The following ATP13A4 variants were observed in gnomAD, a reference collection of about 807,000 sequenced individuals.
ATP13A4 encodes ATPase 13A4.
A neutral mutation model predicts 142.5 loss-of-function variants in ATP13A4; 114 were observed. The observed-to-expected ratio is 0.80, with a 90% CI of 0.69 to 0.93. The LOEUF is 0.93. ATP13A4 is among the 40% of genes least tolerant of loss of function. The pLI is 0.00. For synonymous variants in ATP13A4, 488 were observed against 514.8 expected (o/e 0.95, Z 0.70); for missense variants, 1,392 against 1,454.0 (o/e 0.96, Z 0.69).
Position 193,413,674 on chromosome 3 carries a change from C to T in ATP13A4, c.3014+905G>A, listed in dbSNP as rs1015204617. Reference sequence around the variant, plus strand: ...GTTGAGATAAGGACTGAAATACACCCTGATCTCCTGCAGTACCCTCAGGCT... The same window carrying T: ...GTTGAGATAAGGACTGAAATACACCTTGATCTCCTGCAGTACCCTCAGGCT... On this transcript the variant is annotated intron_variant, in intron 26 of 29. Coordinates refer to ENST00000342695, the MANE Select transcript of ATP13A4 (RefSeq NM_032279.4). 1.8e-4 allele frequency among the ~76,000 whole-genome samples: 28 copies of T among 152,192 alleles called. 1 individual carries two copies. The highest frequency in any genetic ancestry group is 5.1e-4 in the African/African-American group (21 of 41,450).
At chr3:193,546,931 G>T (rs941133693) in intron 1 of ATP13A4, among the ~76,000 whole-genome samples, 1 of 152,168 alleles carries the variant, frequency 6.6e-6, no homozygotes, top group Non-Finnish European at 1.5e-5. Context: ...ACTTGGCTCA[G>T]ATCAATCACC....
intron 1 of ATP13A4, among the ~76,000 whole-genome samples, chr3:193,517,643 G>C (rs979317408): frequency 1.3e-5 from 2 of 151,974 alleles, no homozygotes; most frequent in East Asian, 1.9e-4. Flanking sequence ...ACCACGCCCG[G>C]CTAATTTTTT....
At chr3:193,571,009 A>C (rs190416613) in intron 2 of ATP13A4, among the ~76,000 whole-genome samples, 108 of 152,216 alleles carry the variant, frequency 7.1e-4, no homozygotes, top group African/African-American at 2.5e-3. Context: ...CAGGTGTGGT[A>C]GCTCATGCCT....
chr3:193,420,457 C>A (rs146655860), intron 25 of ATP13A4, among the ~76,000 whole-genome samples: 1 of 149,720 alleles, frequency 6.7e-6, no homozygotes, highest in Non-Finnish European at 1.5e-5. Context: ...AAAGGAAATA[C>A]GAAAGAGCGA....
chr3:193,576,818 G>T (rs1724407326), intron 2 of ATP13A4, among the ~76,000 whole-genome samples: 1 of 152,192 alleles, frequency 6.6e-6, no homozygotes, highest in Non-Finnish European at 1.5e-5. Flanking sequence ...GCATTCTACA[G>T]AATCGTCCAT....
upstream of ATP13A4, among the ~76,000 whole-genome samples, chr3:193,558,091 A>G (rs116678346): frequency 0.022 from 3,360 of 152,294 alleles, 116 homozygotes; most frequent in African/African-American, 0.075. Flanking sequence ...AGGCAAACTG[A>G]ACTCCATAAA....
At chr3:193,584,615 A>ATTTTTT (rs150108003) in intron 1 of ATP13A4, among the ~76,000 whole-genome samples, 1 of 148,788 alleles carries the variant, frequency 6.7e-6, no homozygotes. Flanking sequence ...CTTTTCTTCT[A>ATTTTTT]TTTTTTTTTT....
chr3:193,559,119 T>C (rs1236878412), upstream of ATP13A4, among the ~76,000 whole-genome samples: 1 of 152,200 alleles, frequency 6.6e-6, no homozygotes, highest in Non-Finnish European at 1.5e-5. Context: ...GGTAATAATG[T>C]TTCATTATAT....
chr3:193,493,599 T>C (rs1321133469), intron 3 of ATP13A4, among the ~76,000 whole-genome samples: 1 of 152,166 alleles, frequency 6.6e-6, no homozygotes, highest in East Asian at 1.9e-4. Context: ...TGAGTTACAG[T>C]GTCGAAGGAT....
intron 28 of ATP13A4, among the ~76,000 whole-genome samples, chr3:193,408,069 T>C (rs1576930490): frequency 6.6e-6 from 1 of 152,362 alleles, no homozygotes; most frequent in Non-Finnish European, 1.5e-5. Flanking sequence ...GCCTGATATA[T>C]ATGTATGGTG....
chr3:193,540,593 C>T (rs761472354), intron 1 of ATP13A4, among the ~76,000 whole-genome samples: 1 of 112,828 alleles, frequency 8.9e-6, no homozygotes, highest in South Asian at 2.9e-4. Context: ...AAGATTTATA[C>T]ACAGAAATAA....
chr3:193,429,816 T>C (rs1334268447), intron 25 of ATP13A4, among the ~76,000 whole-genome samples: 1 of 151,836 alleles, frequency 6.6e-6, no homozygotes, highest in Non-Finnish European at 1.5e-5. Context: ...AAAATGAAAA[T>C]AAGATGCACT....
At chr3:193,569,567 AG>A (rs1247367153) in intron 2 of ATP13A4, among the ~76,000 whole-genome samples, 2 of 151,594 alleles carry the variant, frequency 1.3e-5, no homozygotes, top group African/African-American at 4.9e-5. Flanking sequence ...GTTTTGAGAG[AG>A]GGTCTCGCTC....
chr3:193,542,509 C>T (rs1464922024), intron 1 of ATP13A4, among the ~76,000 whole-genome samples: 2 of 151,846 alleles, frequency 1.3e-5, no homozygotes, highest in East Asian at 1.9e-4. Context: ...AAAAAAGAGT[C>T]CCCATAGCCA....
intron 22 of ATP13A4, 85 bp downstream of exon 22, chr3:193,438,938 T>C (rs1300538045): frequency 1.3e-5 from 18 of 1,370,256 alleles, no homozygotes; most frequent in East Asian, 4.6e-5. Context: ...TGTGAGATTA[T>C]GACTACACAC....
chr3:193,560,685 T>C (rs1332307111), intron 2 of ATP13A4, among the ~76,000 whole-genome samples: 1 of 152,202 alleles, frequency 6.6e-6, no homozygotes, highest in Non-Finnish European at 1.5e-5. Flanking sequence ...TACTTAGGCA[T>C]GATCCAGAGG....
Position 193,407,835 on chromosome 3 carries a change from C to T in ATP13A4, c.3298-442G>A, listed in dbSNP as rs537917213. Among the ~76,000 whole-genome samples, 171 of 152,354 alleles carry T rather than the reference C, an allele frequency of 1.1e-3. 7 individuals carry two copies. The South Asian group carries it at 0.034, about 30-fold the overall frequency. Reference sequence around the variant, plus strand: ...TGGTACCCATGTCAAACCTTCACAACTGGGCAGCATTGCCCTCTTCTCCCT... The same window carrying T: ...TGGTACCCATGTCAAACCTTCACAATTGGGCAGCATTGCCCTCTTCTCCCT... On this transcript the variant is annotated intron_variant, in intron 28 of 29. Transcript: ENST00000342695.
At chr3:193,555,909 G>T (rs1453294450), upstream of ATP13A4, among the ~76,000 whole-genome samples, 1 of 152,126 alleles carries the variant, frequency 6.6e-6, no homozygotes, top group East Asian at 1.9e-4. Context: ...TTCTCATCTG[G>T]TACCGCCCGA....
chr3:193,531,300 A>AGGG (rs1722309069), intron 1 of ATP13A4, among the ~76,000 whole-genome samples: 1 of 23,708 alleles, frequency 4.2e-5, no homozygotes, highest in African/African-American at 1.9e-4. Flanking sequence ...GGGAGGGAGG[A>AGGG]AGGAAGGAAG....
Sources: allele counts gnomAD v4.1 joint callset (sites outside exome capture counted in the v4.1 genomes callset), GRCh38; gene constraint gnomAD v4.1.1; transcripts MANE v1.5; gene names NCBI Gene and HGNC (gene_info 2026-07-23, HGNC 2026-07-21).